The following SDK2 variants were observed in gnomAD, a reference collection of about 807,000 sequenced individuals.
The protein encoded by SDK2 is protein sidekick-2.
Under a neutral mutation model 253.9 loss-of-function variants are expected in SDK2, and 105 were observed. The observed-to-expected ratio is 0.41, with a 90% CI of 0.35 to 0.49. The LOEUF (loss-of-function observed/expected upper bound fraction) is 0.49, where lower values mean the gene tolerates loss of function less well. Ranked by LOEUF, SDK2 falls within the 20% of genes least tolerant of loss-of-function variation. The probability of loss-of-function intolerance (pLI) is 0.06; values close to 1 mark genes in which losing one functional copy is unlikely to be tolerated. For missense variants in SDK2, 2,608 were observed against 3,003.0 expected (o/e 0.87, Z 3.07); for synonymous variants, 1,249 against 1,234.9 (o/e 1.01, Z -0.24).
At chr17:73,372,748 A>C (rs910701336) in intron 36 of SDK2, among the ~76,000 whole-genome samples, 2 of 152,234 alleles carry the variant, frequency 1.3e-5, no homozygotes, top group South Asian at 4.2e-4. Flanking sequence ...CTCGAAAAAA[A>C]CAAACAAACA....
In SDK2 at chr17:73,609,535, A is replaced by G. The variant is rs79817449; in HGVS notation, c.64+34490T>C. On this transcript the variant is annotated intron_variant, in intron 1 of 44. Coordinates refer to ENST00000392650, the MANE Select transcript of SDK2 (RefSeq NM_001144952.2). The surrounding 1 kb of genome is among the most constrained non-coding windows in gnomAD (Gnocchi z 4.4). ...AGACAGGGGCATTAGCAACTTTTTC[A>G]TGACATTTTGCTGCAAAGGGAGCAA... 2.7e-3 allele frequency among the ~76,000 whole-genome samples: 415 copies of G among 152,320 alleles called. No individual in the cohort carries two copies. Among genetic ancestry groups the G allele is most frequent in the African/African-American group, 9.4e-3 (391 of 41,568 alleles).
chr17:73,387,768 T>C, intron 30 of SDK2, 68 bp downstream of exon 30: 1 of 1,385,748 alleles, frequency 7.2e-7, no homozygotes, highest in Middle Eastern at 2.2e-4. Flanking sequence ...CCCTACCCAG[T>C]GGAGGAGCAC....
intron 1 of SDK2, among the ~76,000 whole-genome samples, chr17:73,552,132 T>C (rs148659693): frequency 7.7e-4 from 117 of 151,872 alleles, no homozygotes; most frequent in African/African-American, 2.8e-3. Context: ...CTCTCTGACA[T>C]AAAATATTGT....
At chr17:73,563,634 A>C (rs1413426999) in intron 1 of SDK2, among the ~76,000 whole-genome samples, 1 of 152,132 alleles carries the variant, frequency 6.6e-6, no homozygotes, top group Non-Finnish European at 1.5e-5. Context: ...TCTATCTCTG[A>C]GTTTGATATT....
At chr17:73,599,619 G>A (rs1280546628) in intron 1 of SDK2, among the ~76,000 whole-genome samples, 1 of 152,080 alleles carries the variant, frequency 6.6e-6, no homozygotes, top group African/African-American at 2.4e-5. Context: ...GGGAGGAAAG[G>A]GGGAAGAGGA....
intron 1 of SDK2, among the ~76,000 whole-genome samples, chr17:73,614,856 G>C (rs1225709274): frequency 6.6e-6 from 1 of 151,558 alleles, no homozygotes; most frequent in Non-Finnish European, 1.5e-5. Context: ...GACAAGGATT[G>C]AAAAACTACC....
intron 30 of SDK2, among the ~76,000 whole-genome samples, chr17:73,387,380 G>T (rs900921637): frequency 6.6e-6 from 1 of 152,114 alleles, no homozygotes; most frequent in Non-Finnish European, 1.5e-5. Context: ...ATTTATGGGG[G>T]GTGGGAGAGG....
chr17:73,358,310 ACAGAGAGCCGC>A lies in SDK2; in HGVS notation c.5468-117_5468-107del, dbSNP rs1308389500. 1.7e-5 allele frequency: 24 copies of A among 1,406,244 alleles called. No homozygotes were observed. In the African/African-American group the frequency reaches 3.4e-4, roughly 20 times the overall value. 87.1% of individuals were successfully genotyped at this position (1,406,244 alleles called of 1,614,324 possible). On this transcript the variant is annotated intron_variant, in intron 39 of 44. Coordinates refer to ENST00000392650, the MANE Select transcript of SDK2 (RefSeq NM_001144952.2). ...CACTGGGTGACAAAACCAACCCTGGACAGAGAGCCGCCAGGAAGCCCTGCAAATGTCGCGGC... is the reference window on the plus strand; with the variant it reads ...CACTGGGTGACAAAACCAACCCTGGACAGGAAGCCCTGCAAATGTCGCGGC...
intron 1 of SDK2, among the ~76,000 whole-genome samples, chr17:73,641,428 C>T (rs1008327168): frequency 6.6e-6 from 1 of 152,150 alleles, no homozygotes; most frequent in Admixed American, 6.5e-5. Context: ...CATGAGAGCC[C>T]GTTCTTTCTG....
intron 3 of SDK2, among the ~76,000 whole-genome samples, chr17:73,460,463 G>C (rs904030481): frequency 6.6e-6 from 1 of 152,182 alleles, no homozygotes; most frequent in Non-Finnish European, 1.5e-5. Context: ...AATGATTGCA[G>C]TATACCATTA....
intron 2 of SDK2, among the ~76,000 whole-genome samples, chr17:73,477,698 C>T (rs138301060): frequency 7.2e-4 from 109 of 152,242 alleles, no homozygotes; most frequent in African/African-American, 2.4e-3. Context: ...AATGGGGATC[C>T]TCTAGGGGCT....
intron 32 of SDK2, among the ~76,000 whole-genome samples, chr17:73,384,313 T>C (rs1390019275): frequency 6.6e-6 from 1 of 152,172 alleles, no homozygotes; most frequent in Non-Finnish European, 1.5e-5. Flanking sequence ...CATTGGGGCC[T>C]GGAGCACACA....
Position 73,604,082 on chromosome 17 carries a change from G to A in SDK2, c.64+39943C>T, listed in dbSNP as rs76611429. ...ATTGCCACGCGGAGGGAACGCCCGCGCCGGGCAGCGCCAGCGTCAGCCTTC... is the reference window on the plus strand; with the variant it reads ...ATTGCCACGCGGAGGGAACGCCCGCACCGGGCAGCGCCAGCGTCAGCCTTC... On this transcript the variant is annotated intron_variant, in intron 1 of 44. Transcript: ENST00000392650. 4.3e-3 allele frequency among the ~76,000 whole-genome samples: 653 copies of A among 152,362 alleles called. 5 individuals are homozygous for A. Among genetic ancestry groups the A allele is most frequent in the African/African-American group, 0.015 (632 of 41,594 alleles).
At chr17:73,617,899 A>G (rs983890639) in intron 1 of SDK2, among the ~76,000 whole-genome samples, 2 of 152,180 alleles carry the variant, frequency 1.3e-5, no homozygotes, top group Admixed American at 6.5e-5. Flanking sequence ...CAAAATACCC[A>G]ACAACCCTGT....
intron 3 of SDK2, among the ~76,000 whole-genome samples, chr17:73,471,538 C>T (rs2063650957): frequency 6.6e-6 from 1 of 152,186 alleles, no homozygotes; most frequent in African/African-American, 2.4e-5. Context: ...GCGGAGGTTG[C>T]AGTGAGCCAA....
At chr17:73,474,745 G>C (rs1481666548) in intron 2 of SDK2, among the ~76,000 whole-genome samples, 1 of 152,166 alleles carries the variant, frequency 6.6e-6, no homozygotes, top group South Asian at 2.1e-4. Flanking sequence ...TGGGGGAACT[G>C]TCTGAGTCTG....
At chr17:73,427,825 A>G (rs748742684) in intron 12 of SDK2, among the ~76,000 whole-genome samples, 15 of 152,298 alleles carry the variant, frequency 9.8e-5, no homozygotes, top group Non-Finnish European at 1.9e-4. Context: ...CCAAGGCACA[A>G]TCCATGAAAG....
chr17:73,338,590 A>T lies in SDK2; in HGVS notation c.6516T>A (p.Val2172=), dbSNP rs1157371438. 6.6e-7 allele frequency: 1 copy of T among 1,511,562 alleles called. No homozygotes were observed. The highest frequency in any genetic ancestry group is 2.3e-5 in the East Asian group (1 of 44,126). 93.6% of individuals were successfully genotyped at this position (1,511,562 alleles called of 1,614,324 possible). A position where few individuals can be genotyped will look rare whatever the true frequency, so the allele number is the denominator to read the frequency against. The change falls in exon 45 of 45, where the codon GTT becomes GTA. Residue 2172 remains valine, a synonymous_variant. Coordinates refer to ENST00000392650, the MANE Select transcript of SDK2 (RefSeq NM_001144952.2). This position sits in a 1 kb window ranked among gnomAD's most constrained non-coding sequence, Gnocchi z 5.0. ...TCTGCTTTTTCCTCTTCTGATGTCA[A>T]ACAAATGATGAAAATCCTGCTATGG... ...RAPIAGFSSF[V] is the part of the protein sequence containing the mutation.
rs984947517 is a variant in SDK2 at position 73,643,686 on chromosome 17, G to T, written c.64+339C>A. On this transcript the variant is annotated intron_variant, in intron 1 of 44. Transcript: ENST00000392650. The surrounding 1 kb of genome is among the most constrained non-coding windows in gnomAD (Gnocchi z 6.9). ...CTCAGCGTAGCCGAGCGTGGAGCCC[G>T]GCACGGAATGTCGCTCCCCTCCCAA... Among the ~76,000 whole-genome samples, 1 of 152,076 alleles carries T rather than the reference G, an allele frequency of 6.6e-6. No individual in the cohort carries two copies.
Sources: gnomAD v4.1 joint callset for allele counts (sites outside exome capture counted in the v4.1 genomes callset) on GRCh38, gnomAD v4.1.1 for gene constraint, Gnocchi (gnomAD v3.1) non-coding constraint, MANE v1.5 for transcripts, NCBI Gene and HGNC (gene_info 2026-07-23, HGNC 2026-07-21) for gene names.